Variants in NBAS observed in about 807,000 individuals in gnomAD.
The protein encoded by NBAS is NBAS subunit of NRZ tethering complex.
Under a neutral mutation model 302.5 loss-of-function variants are expected in NBAS, and 219 were observed. That is an observed-to-expected ratio of 0.72 (90% CI 0.65 to 0.81). The LOEUF is 0.81. Ranked by LOEUF, NBAS falls within the 30% of genes least tolerant of loss-of-function variation. The probability of loss-of-function intolerance (pLI) is 0.00; values close to 1 mark genes in which losing one functional copy is unlikely to be tolerated. For synonymous variants in NBAS, 1,118 were observed against 1,021.6 expected (o/e 1.09, Z -1.80); for missense variants, 2,932 against 2,841.6 (o/e 1.03, Z -0.72).
At chr2:14,837,337 A>C in the NBAS span, among the ~76,000 whole-genome samples, 2 of 151,922 alleles carry the variant, frequency 1.3e-5, no homozygotes, top group Non-Finnish European at 2.9e-5. Flanking sequence ...TCATGTCCAA[A>C]TTGCATATTT....
intron 26 of NBAS, among the ~76,000 whole-genome samples, chr2:15,401,865 AT>A (rs1676167787): frequency 6.6e-6 from 1 of 152,282 alleles, no homozygotes; most frequent in African/African-American, 2.4e-5. Flanking sequence ...CTACTGACTT[AT>A]AAAAAGTAGT....
the NBAS span, among the ~76,000 whole-genome samples, chr2:15,036,846 C>T: frequency 0.8 from 121,510 of 151,576 alleles, 49,216 homozygotes; most frequent in East Asian, 1. Flanking sequence ...GAGCACACAG[C>T]TGGCAGATGT....
Position 15,461,332 on chromosome 2 carries a change from A to G in NBAS, c.2208T>C (p.Ser736=). Residue 736 remains serine, a synonymous_variant, in exon 21 of 52, where the codon AGT becomes AGC. Transcript: ENST00000281513. ...ACAGAATTTCCAGGGCTTGTACATTACTTTCCTGTACAAAAGGCAAGGGGT... is the reference window on the plus strand; with the variant it reads ...ACAGAATTTCCAGGGCTTGTACATTGCTTTCCTGTACAAAAGGCAAGGGGT... The part of the protein sequence containing the change: ...VLSARTYAQE[S]NVQALEILFT... The G allele has an allele frequency of 6.2e-7, 1 of 1,611,946 alleles. No homozygotes were observed. The highest frequency in any genetic ancestry group is 8.5e-7 in the Non-Finnish European group (1 of 1,178,074).
the NBAS span, among the ~76,000 whole-genome samples, chr2:15,126,375 C>T: frequency 0.97 from 147,613 of 152,264 alleles, 71,583 homozygotes; most frequent in East Asian, 1. Flanking sequence ...TATTCCTTTA[C>T]AGCAATGTGA....
At chr2:15,521,563 T>G (rs1662673361) in intron 9 of NBAS, among the ~76,000 whole-genome samples, 1 of 152,216 alleles carries the variant, frequency 6.6e-6, no homozygotes, top group African/African-American at 2.4e-5. Flanking sequence ...TCTAGTGTAT[T>G]AGTATTGCTT....
At chr2:15,424,528 T>G (rs1205971988) in intron 22 of NBAS, 60 bp from the exon 23 acceptor site, 12 of 1,585,610 alleles carry the variant, frequency 7.6e-6, no homozygotes, top group Non-Finnish European at 9.5e-6. Flanking sequence ...ACATATAATT[T>G]TGTGAGAGAA....
At chr2:15,055,815 T>C in the NBAS span, among the ~76,000 whole-genome samples, 1 of 152,206 alleles carries the variant, frequency 6.6e-6, no homozygotes, top group Non-Finnish European at 1.5e-5. Context: ...ACTGGACTTC[T>C]TTGTGTTGGA....
chr2:15,445,268 A>G (rs1369080016), intron 21 of NBAS, among the ~76,000 whole-genome samples: 4 of 146,946 alleles, frequency 2.7e-5, no homozygotes, highest in African/African-American at 5.0e-5. Context: ...ATGTCCAACA[A>G]TGATAGACTG....
chr2:15,304,592 T>C (rs552946639), intron 40 of NBAS, among the ~76,000 whole-genome samples: 34 of 152,230 alleles, frequency 2.2e-4, no homozygotes, highest in Non-Finnish European at 4.3e-4. Context: ...ACTTGTTGAA[T>C]GACTTTGACC....
At chr2:15,291,289 C>T (rs1670294050) in intron 41 of NBAS, among the ~76,000 whole-genome samples, 1 of 152,164 alleles carries the variant, frequency 6.6e-6, no homozygotes, top group East Asian at 1.9e-4. Flanking sequence ...TATCCCTAAG[C>T]ACCATTTTTC....
chr2:15,527,637 T>A (rs555080756), intron 9 of NBAS, among the ~76,000 whole-genome samples: 1 of 152,340 alleles, frequency 6.6e-6, no homozygotes, highest in East Asian at 1.9e-4. Flanking sequence ...GGCCTCATCA[T>A]GTCTTAAAGC....
the NBAS span, among the ~76,000 whole-genome samples, chr2:15,017,180 A>C: frequency 6.6e-6 from 1 of 152,112 alleles, no homozygotes; most frequent in Non-Finnish European, 1.5e-5. Flanking sequence ...TGGATCAAAG[A>C]CCTAAATGTA....
At chr2:15,243,783 A>T (rs538552057) in intron 44 of NBAS, among the ~76,000 whole-genome samples, 6 of 152,274 alleles carry the variant, frequency 3.9e-5, no homozygotes, top group Non-Finnish European at 7.4e-5. Flanking sequence ...AGTGAAACAA[A>T]ATAAACAGCC....
chr2:14,900,402 A>G, the NBAS span, among the ~76,000 whole-genome samples: 2 of 152,322 alleles, frequency 1.3e-5, no homozygotes, highest in East Asian at 1.9e-4. Flanking sequence ...AAAAAAGGAA[A>G]CTGAGATTTT....
intron 23 of NBAS, among the ~76,000 whole-genome samples, 192 bp downstream of exon 23, chr2:15,424,123 G>C (rs1245720070): frequency 4.6e-5 from 7 of 152,210 alleles, no homozygotes; most frequent in Non-Finnish European, 8.8e-5. Context: ...CACCTGCTCT[G>C]TAAGAATCCA....
intron 36 of NBAS, among the ~76,000 whole-genome samples, chr2:15,329,657 C>T (rs773362717): frequency 1.1e-4 from 16 of 152,186 alleles, no homozygotes; most frequent in Non-Finnish European, 1.8e-4. Context: ...TCCTACCATT[C>T]TCCCCATTGT....
chr2:15,302,284 T>C (rs1040648744), intron 40 of NBAS, among the ~76,000 whole-genome samples: 13 of 152,192 alleles, frequency 8.5e-5, no homozygotes, highest in African/African-American at 2.7e-4. Context: ...ATCGGATGCT[T>C]TCCAGAAGTT....
At chr2:15,095,325 G>A in the NBAS span, among the ~76,000 whole-genome samples, 1 of 152,170 alleles carries the variant, frequency 6.6e-6, no homozygotes, top group African/African-American at 2.4e-5. Flanking sequence ...TGCCTGGGGA[G>A]GCCTCACAAT....
the NBAS span, among the ~76,000 whole-genome samples, chr2:14,935,342 C>G: frequency 6.6e-6 from 1 of 152,112 alleles, no homozygotes; most frequent in Non-Finnish European, 1.5e-5. Context: ...TTTCCTACAT[C>G]TATTTCTTGT....
Sources: gnomAD v4.1 joint callset for allele counts (sites outside exome capture counted in the v4.1 genomes callset) on GRCh38, gnomAD v4.1.1 for gene constraint, MANE v1.5 for transcripts, NCBI Gene and HGNC (gene_info 2026-07-23, HGNC 2026-07-21) for gene names.